The following THBS4 variants were observed in gnomAD, a reference collection of about 807,000 sequenced individuals.
The protein encoded by THBS4 is thrombospondin 4.
Under a neutral mutation model 115.7 loss-of-function variants are expected in THBS4, and 90 were observed. The ratio of observed to expected loss-of-function variants is 0.78; its 90% CI spans 0.66 to 0.93. The LOEUF (loss-of-function observed/expected upper bound fraction) is 0.93. Ranked by LOEUF, THBS4 falls within the 40% of genes least tolerant of loss-of-function variation. The pLI is 0.00. For missense variants in THBS4, 1,087 were observed against 1,232.7 expected, an observed-to-expected ratio of 0.88 and a Z score of 1.77; for synonymous variants, 460 against 479.3, an observed-to-expected ratio of 0.96 and a Z score of 0.53.
Position 80,035,945 on chromosome 5 carries a change from G to C in THBS4, c.88+320G>C. ...AGACCTCTTAACATGTTAGGCTCTG[G>C]TGTAGGGTGAATTCCGGGTCCTGCA... On this transcript the variant is annotated intron_variant, in intron 1 of 21. Coordinates refer to ENST00000350881, the MANE Select transcript of THBS4 (RefSeq NM_003248.6). This position sits in a 1 kb window ranked among gnomAD's most constrained non-coding sequence, Gnocchi z 4.6. 1 of 1,045,094 alleles carries C rather than the reference G, an allele frequency of 9.6e-7. No homozygotes were observed. The highest frequency in any genetic ancestry group is 1.2e-6 in the Non-Finnish European group (1 of 862,210). 64.7% of individuals were successfully genotyped at this position (1,045,094 alleles called of 1,614,324 possible). A position where few individuals can be genotyped will look rare whatever the true frequency, so the allele number is the denominator to read the frequency against.
chr5:80,081,721 G>T (rs1056722778), intron 20 of THBS4, among the ~76,000 whole-genome samples: 1 of 152,198 alleles, frequency 6.6e-6, no homozygotes, highest in Non-Finnish European at 1.5e-5. Flanking sequence ...CTGTTTACAA[G>T]TGAAAGTGAG....
intron 2 of THBS4, among the ~76,000 whole-genome samples, chr5:80,022,968 G>A (rs1018541158): frequency 1.3e-5 from 2 of 152,016 alleles, no homozygotes; most frequent in African/African-American, 4.8e-5. Flanking sequence ...TTAAGATTTA[G>A]GATAGACCTT....
chr5:80,011,699 A>G (rs558203353), intron 2 of THBS4, among the ~76,000 whole-genome samples: 1 of 152,240 alleles, frequency 6.6e-6, no homozygotes, highest in South Asian at 2.1e-4. Flanking sequence ...AGCCAGGGAC[A>G]ACTCCCCAGA....
chr5:80,082,236 T>C, intron 20 of THBS4, 170 bp from the exon 21 acceptor site: 2 of 779,558 alleles, frequency 2.6e-6, no homozygotes, highest in Non-Finnish European at 4.0e-6. Context: ...TCCAGTCTAG[T>C]AAGTAAGTGG....
chr5:80,082,302 G>GA (rs1743550079), intron 20 of THBS4, 104 bp from the exon 21 acceptor site: 11 of 1,474,930 alleles, frequency 7.5e-6, no homozygotes, highest in Non-Finnish European at 1.0e-5. Flanking sequence ...ACAGAGCAAA[G>GA]AAAGACGCAG....
Position 80,080,066 on chromosome 5 carries a change from G to A in THBS4, c.2673G>A (p.Val891=). 1.2e-6 allele frequency: 2 copies of A among 1,613,768 alleles called. No individual in the cohort carries two copies. Among genetic ancestry groups the A allele is most frequent in the Non-Finnish European group, 1.7e-6 (2 of 1,179,864 alleles). Residue 891 remains valine, a synonymous_variant, in exon 20 of 22, where the codon GTG becomes GTA. Coordinates refer to ENST00000350881, the MANE Select transcript of THBS4 (RefSeq NM_003248.6). ...GGTTCCTACAGCACAGGCCCCAGGT[G>A]GGCTACATCAGGTAGGTAGAGGCCC... is the stretch of plus-strand genomic sequence containing the variant. The part of the protein sequence containing the change: ...YRWFLQHRPQ[V]GYIRVRFYEG...
chr5:80,079,810 C>A, intron 19 of THBS4, 95 bp from the exon 20 acceptor site: 1 of 1,333,468 alleles, frequency 7.5e-7, no homozygotes. Context: ...CGGATTATAA[C>A]CATGACTATA....
chr5:80,061,294 G>C (rs17885353), intron 7 of THBS4, among the ~76,000 whole-genome samples: 2 of 152,224 alleles, frequency 1.3e-5, no homozygotes, highest in Non-Finnish European at 2.9e-5. Context: ...TTGCCTTCTC[G>C]AGGTCTTTCT....
At chr5:80,000,247 G>C (rs1831870460) in intron 2 of THBS4, among the ~76,000 whole-genome samples, 1 of 152,094 alleles carries the variant, frequency 6.6e-6, no homozygotes, top group South Asian at 2.1e-4. Flanking sequence ...CATTTAGTTG[G>C]CACATAATAG....
At chr5:80,077,349 G>A (rs900858468) in intron 16 of THBS4, among the ~76,000 whole-genome samples, 7 of 152,222 alleles carry the variant, frequency 4.6e-5, no homozygotes, top group African/African-American at 1.2e-4. Context: ...GGCTTGGAGA[G>A]CTGCTCCACC....
At chr5:80,082,238 A>C in intron 20 of THBS4, 168 bp from the exon 21 acceptor site, 2 of 822,724 alleles carry the variant, frequency 2.4e-6, no homozygotes, top group South Asian at 3.8e-5. Flanking sequence ...CAGTCTAGTA[A>C]GTAAGTGGCA....
At chr5:80,064,518 G>A (rs1448486397) in intron 8 of THBS4, among the ~76,000 whole-genome samples, 1 of 152,182 alleles carries the variant, frequency 6.6e-6, no homozygotes, top group Non-Finnish European at 1.5e-5. Flanking sequence ...TTAAAGAATA[G>A]GGCAATGCCC....
Position 80,070,738 on chromosome 5 carries a change from C to T in THBS4, c.1548C>T (p.Ile516=), listed in dbSNP as rs138116094. 1 of 1,614,048 alleles carries T rather than the reference C, an allele frequency of 6.2e-7. No homozygotes were observed. The highest frequency in any genetic ancestry group is 1.3e-5 in the African/African-American group (1 of 74,912). ...ACDEDADGDG[I]LNEQDNCVLI... ...ACGAGGATGCTGACGGAGATGGGAT[C>T]CTGAATGAGCAGGTACCTGCTTCGC... The change falls in exon 12 of 22, where the codon ATC becomes ATT. Residue 516 remains isoleucine, a synonymous_variant. Transcript: ENST00000350881.
chr5:80,059,729 C>A lies in THBS4; in HGVS notation c.811C>A (p.Pro271Thr), dbSNP rs750846545. 3 of 1,614,172 alleles carry A rather than the reference C, an allele frequency of 1.9e-6. No individual in the cohort carries two copies. Among genetic ancestry groups the A allele is most frequent in the Non-Finnish European group, 2.5e-6 (3 of 1,180,026 alleles). The change falls in exon 7 of 22, where the codon CCA (proline) becomes ACA (threonine). Residue 271 changes from proline (P) to threonine (T), a missense_variant. Physicochemically the swap from Pro to Thr is conservative, Grantham distance 38. This residue lies in a region of THBS4 where 979 missense variants were observed against 1,103.7 expected (regional missense o/e 0.89). Coordinates refer to ENST00000350881, the MANE Select transcript of THBS4 (RefSeq NM_003248.6). ...TCCTCTCAAGTTTCAGTCTCCGACC[C>A]CAAGCACGGTGGTGCCCCCGGCTCC... ...CGPLKFQSPT[P>T]STVVPPAPPA...
intron 1 of THBS4, among the ~76,000 whole-genome samples, chr5:79,993,917 A>T (rs990091853): frequency 6.6e-6 from 1 of 152,236 alleles, no homozygotes; most frequent in Non-Finnish European, 1.5e-5. Flanking sequence ...GTGTTCAGAT[A>T]TAAAATCCTT....
chr5:80,023,374 A>G (rs1389915534), intron 2 of THBS4, among the ~76,000 whole-genome samples: 1 of 152,242 alleles, frequency 6.6e-6, no homozygotes, highest in Non-Finnish European at 1.5e-5. Flanking sequence ...TTACAAAAGC[A>G]GCTGAAATCA....
At chr5:80,039,960 A>T in intron 1 of THBS4, 117 bp from the exon 2 acceptor site, 1 of 864,926 alleles carries the variant, frequency 1.2e-6, no homozygotes, top group Middle Eastern at 2.4e-4. Context: ...GGATTACAAG[A>T]TTAGTTTACA....
At chr5:80,044,750 A>G (rs1387175242) in intron 2 of THBS4, among the ~76,000 whole-genome samples, 1 of 151,882 alleles carries the variant, frequency 6.6e-6, no homozygotes, top group East Asian at 1.9e-4. Context: ...TTTTTAATGA[A>G]TAAATATTGA....
In THBS4 at chr5:80,079,088, T is replaced by A. The variant is rs1262789652; in HGVS notation, c.2341T>A (p.Phe781Ile). ...VGYTAFNGVD[F>I]EGTFHVNTQT... is the part of the protein sequence containing the mutation. ...GTACACAGCTTTTAATGGAGTTGACTTCGAAGGGACCTTCCATGTGAATAC... is the reference window on the plus strand; with the variant it reads ...GTACACAGCTTTTAATGGAGTTGACATCGAAGGGACCTTCCATGTGAATAC... The change falls in exon 19 of 22, where the codon TTC (phenylalanine) becomes ATC (isoleucine). Residue 781 changes from phenylalanine (F) to isoleucine (I), a missense_variant. Physicochemically the swap from Phe to Ile is conservative, Grantham distance 21. Coordinates refer to ENST00000350881, the MANE Select transcript of THBS4 (RefSeq NM_003248.6). The A allele has an allele frequency of 6.2e-7, 1 of 1,613,820 alleles. No homozygotes were observed. The highest frequency in any genetic ancestry group is 1.7e-5 in the Admixed American group (1 of 60,022).
Sources: gnomAD v4.1 joint callset for allele counts (sites outside exome capture counted in the v4.1 genomes callset) on GRCh38, gnomAD v4.1.1 for gene constraint, gnomAD v4.1.1 regional missense constraint, Gnocchi (gnomAD v3.1) non-coding constraint, MANE v1.5 for transcripts, NCBI Gene and HGNC (gene_info 2026-07-23, HGNC 2026-07-21) for gene names.